Variants in PLSCR2 observed in about 807,000 individuals in gnomAD.
PLSCR2 encodes the protein PL scramblase 2.
A neutral mutation model predicts 25.3 loss-of-function variants in PLSCR2; 18 were observed. The observed-to-expected ratio is 0.71, with a 90% CI of 0.49 to 1.06. The LOEUF (loss-of-function observed/expected upper bound fraction) is 1.06. PLSCR2 is among the 50% of genes least tolerant of loss of function. The pLI is 0.00. For synonymous variants in PLSCR2, 88 were observed against 87.3 expected (o/e 1.01, Z -0.04); for missense variants, 243 against 269.5 (o/e 0.90, Z 0.69).
intron 2 of PLSCR2, among the ~76,000 whole-genome samples, chr3:146,397,313 A>G: frequency 6.6e-6 from 1 of 152,110 alleles, no homozygotes. Context: ...TTTTTGCATT[A>G]ATTTTAATTT....
intron 1 of PLSCR2, among the ~76,000 whole-genome samples, chr3:146,490,481 T>C (rs2043508093): frequency 6.6e-6 from 1 of 152,122 alleles, no homozygotes; most frequent in South Asian, 2.1e-4. Flanking sequence ...GATTATCTAA[T>C]TGTGGTTATC....
At chr3:146,396,045 C>CA in intron 2 of PLSCR2, 1 of 181,140 alleles carries the variant, frequency 5.5e-6, no homozygotes. Flanking sequence ...CAACAATTTA[C>CA]AAAATATGCA....
intron 2 of PLSCR2, among the ~76,000 whole-genome samples, chr3:146,427,333 C>T (rs1435211334): frequency 6.6e-6 from 1 of 152,144 alleles, no homozygotes; most frequent in African/African-American, 2.4e-5. Flanking sequence ...GACAAGCCTG[C>T]CATCAGGATT....
intron 1 of PLSCR2, 66 bp from the exon 2 acceptor site, chr3:146,460,149 AC>A (rs2041481313): frequency 7.2e-7 from 1 of 1,383,732 alleles, no homozygotes; most frequent in Non-Finnish European, 9.6e-7. Context: ...TTTTAGAATA[AC>A]CCCAGTTATC....
At chr3:146,478,172 A>G (rs536474) in intron 1 of PLSCR2, among the ~76,000 whole-genome samples, 1 of 152,006 alleles carries the variant, frequency 6.6e-6, no homozygotes, top group African/African-American at 2.4e-5. Context: ...AAACCAGAGC[A>G]CCCCTTCTCC....
At chr3:146,402,007 C>T (rs2038488043) in intron 2 of PLSCR2, among the ~76,000 whole-genome samples, 1 of 151,716 alleles carries the variant, frequency 6.6e-6, no homozygotes, top group African/African-American at 2.4e-5. Flanking sequence ...ATCAAATTTA[C>T]CCCTTTTGCA....
At chr3:146,396,679 A>G (rs2038284870) in intron 2 of PLSCR2, among the ~76,000 whole-genome samples, 1 of 152,186 alleles carries the variant, frequency 6.6e-6, no homozygotes, top group African/African-American at 2.4e-5. Flanking sequence ...CAAGTTAGGA[A>G]GGACCATAGC....
intron 1 of PLSCR2, among the ~76,000 whole-genome samples, chr3:146,479,023 C>T (rs902525516): frequency 1.3e-5 from 2 of 152,068 alleles, no homozygotes; most frequent in African/African-American, 4.8e-5. Flanking sequence ...GAAATAAAAT[C>T]GTTTACAGAC....
At chr3:146,397,152 G>A (rs1040317426) in intron 2 of PLSCR2, among the ~76,000 whole-genome samples, 21 of 152,016 alleles carry the variant, frequency 1.4e-4, no homozygotes, top group African/African-American at 4.8e-4. Flanking sequence ...ACAATCAAAG[G>A]GATAACGACA....
intron 2 of PLSCR2, among the ~76,000 whole-genome samples, chr3:146,409,602 G>A (rs1559973792): frequency 6.6e-6 from 1 of 152,044 alleles, no homozygotes; most frequent in Non-Finnish European, 1.5e-5. Context: ...CCTTCAGGGG[G>A]CCACCTAACT....
At chr3:146,442,988 G>A (rs2040340805) in intron 6 of PLSCR2, among the ~76,000 whole-genome samples, 1 of 152,006 alleles carries the variant, frequency 6.6e-6, no homozygotes, top group Admixed American at 6.6e-5. Flanking sequence ...CTTTTGCACA[G>A]CAAAGGAAGC....
downstream of PLSCR2, among the ~76,000 whole-genome samples, chr3:146,430,982 C>A (rs2039524957): frequency 6.6e-6 from 1 of 152,160 alleles, no homozygotes; most frequent in African/African-American, 2.4e-5. Context: ...ACAACCACCC[C>A]ACAGTGACAC....
At chr3:146,469,139 C>G in intron 1 of PLSCR2, 1 of 984,948 alleles carries the variant, frequency 1.0e-6, no homozygotes, top group Non-Finnish European at 1.2e-6. Context: ...TATTAACCGT[C>G]CCTTCTAATA....
intron 1 of PLSCR2, among the ~76,000 whole-genome samples, chr3:146,477,524 G>A (rs2108516456): frequency 6.6e-6 from 1 of 152,360 alleles, no homozygotes. Flanking sequence ...CAGCAGCCTG[G>A]CTAAGGGAGT....
At chr3:146,416,678 C>T (rs1322869187) in intron 2 of PLSCR2, 1 of 152,190 alleles carries the variant, frequency 6.6e-6, no homozygotes, top group African/African-American at 2.4e-5. Context: ...AACATATTAG[C>T]TTGGTTAGAG....
downstream of PLSCR2, among the ~76,000 whole-genome samples, chr3:146,437,313 C>G (rs962422084): frequency 6.6e-6 from 1 of 152,136 alleles, no homozygotes; most frequent in Non-Finnish European, 1.5e-5. Flanking sequence ...GGAGGATTCC[C>G]TCTTTTTCTA....
chr3:146,484,668 G>T (rs1407073262), intron 1 of PLSCR2, among the ~76,000 whole-genome samples: 1 of 152,044 alleles, frequency 6.6e-6, no homozygotes, highest in East Asian at 1.9e-4. Flanking sequence ...TTCCAACACA[G>T]AATTTTATTT....
At chr3:146,425,364 A>G (rs1339005677) in intron 2 of PLSCR2, among the ~76,000 whole-genome samples, 1 of 152,192 alleles carries the variant, frequency 6.6e-6, no homozygotes, top group Non-Finnish European at 1.5e-5. Context: ...CTACATTCAT[A>G]AAAGTGCAAA....
chr3:146,483,444 C>T (rs62272693), intron 1 of PLSCR2, among the ~76,000 whole-genome samples: 1,132 of 43,260 alleles, frequency 0.026, 37 homozygotes, highest in African/African-American at 0.095. Context: ...TATATATATA[C>T]ACATGTATGT....
Sources: allele counts gnomAD v4.1 joint callset (sites outside exome capture counted in the v4.1 genomes callset), GRCh38; gene constraint gnomAD v4.1.1; transcripts MANE v1.5; gene names NCBI Gene and HGNC (gene_info 2026-07-23, HGNC 2026-07-21).